The following BCKDHA variants were observed in gnomAD, a reference collection of about 807,000 sequenced individuals.
The protein encoded by BCKDHA is branched chain keto acid dehydrogenase E1 subunit alpha.
In BCKDHA, 43 loss-of-function variants were observed where a neutral mutation model predicts 52.2. That is an observed-to-expected ratio of 0.82 (90% CI 0.64 to 1.06). The LOEUF is 1.06. BCKDHA is among the 50% of genes least tolerant of loss of function. The pLI, the probability that BCKDHA is intolerant of heterozygous loss-of-function variation, is 0.00. For synonymous variants in BCKDHA, 234 were observed against 247.9 expected (o/e 0.94, Z 0.53); for missense variants, 527 against 621.3 (o/e 0.85, Z 1.61).
intron 3 of BCKDHA, among the ~76,000 whole-genome samples, chr19:41,412,864 C>A (rs1162219677): frequency 2.0e-5 from 3 of 151,996 alleles, no homozygotes; most frequent in African/African-American, 7.3e-5. Flanking sequence ...CCACCACACT[C>A]GGCTAATTTT....
At chr19:41,408,162 G>A (rs1415131193) in intron 1 of BCKDHA, among the ~76,000 whole-genome samples, 8 of 151,836 alleles carry the variant, frequency 5.3e-5, no homozygotes, top group South Asian at 4.2e-4. Context: ...TCTCACTGTT[G>A]CCCAGGCTGG....
chr19:41,411,556 G>A (rs1335879792), intron 3 of BCKDHA, among the ~76,000 whole-genome samples: 1 of 152,152 alleles, frequency 6.6e-6, no homozygotes, highest in Non-Finnish European at 1.5e-5. Context: ...GGCCAGACAT[G>A]GCACATCCCA....
rs779043936 is a variant in BCKDHA, at chr19:41,422,642, C to T, written c.867C>T (p.Pro289=). The change falls in exon 7 of 9, where the codon CCC becomes CCT. Residue 289 remains proline (P), a synonymous_variant. Coordinates refer to ENST00000269980, the MANE Select transcript of BCKDHA (RefSeq NM_000709.4). ...YRGDGIAARG[P]GYGIMSIRVD... The stretch of plus-strand genomic sequence containing the variant: ...GTGTCCCCACAGCAGCACGAGGCCC[C>T]GGGTATGGCATCATGTCAATCCGCG... The T allele has an allele frequency of 1.9e-5, 30 of 1,614,058 alleles. No homozygotes were observed. The highest frequency in any genetic ancestry group is 5.0e-5 in the Admixed American group (3 of 60,024).
intron 4 of BCKDHA, chr19:41,415,338 C>G (rs914823492): frequency 6.6e-6 from 1 of 152,326 alleles, no homozygotes; most frequent in Non-Finnish European, 1.5e-5. Flanking sequence ...GGGCACCAGG[C>G]AGGACCGAGC....
rs756390993 is a variant in BCKDHA, at chr19:41,424,688, A to G, written c.*80A>G. The G allele has an allele frequency of 6.9e-7, 1 of 1,455,720 alleles. No individual in the cohort carries two copies. Among genetic ancestry groups the G allele is most frequent in the South Asian group, 1.3e-5 (1 of 76,380 alleles). The allele number at this position is 1,455,720 out of a possible 1,614,324, so 90.2% of individuals were successfully genotyped here. A position where few individuals can be genotyped will look rare whatever the true frequency, so the allele number is the denominator to read the frequency against. ...TCTAAGGGGAGCAGGGGGACCTGACAGCACACCACTGTCTTCCCCAGTCAG... is the reference window on the plus strand; with the variant it reads ...TCTAAGGGGAGCAGGGGGACCTGACGGCACACCACTGTCTTCCCCAGTCAG... On this transcript the variant is annotated 3_prime_UTR_variant, in exon 9 of 9. Coordinates refer to ENST00000269980, the MANE Select transcript of BCKDHA (RefSeq NM_000709.4).
chr19:41,413,158 C>T (rs1419562487), intron 3 of BCKDHA, among the ~76,000 whole-genome samples: 1 of 152,180 alleles, frequency 6.6e-6, no homozygotes, highest in Non-Finnish European at 1.5e-5. Context: ...CATGTCCAAG[C>T]TTCATGGCTG....
rs1475056837 is a variant in BCKDHA, at chr19:41,422,383, C to T, written c.853+13C>T. 4 of 1,613,868 alleles carry T rather than the reference C, an allele frequency of 2.5e-6. No individual in the cohort carries two copies. The highest frequency in any genetic ancestry group is 2.5e-6 in the Non-Finnish European group (3 of 1,179,958). On this transcript the variant is annotated intron_variant, in intron 6 of 8. Transcript: ENST00000269980. ...GGCGATGGCATTGGTATGGGCTCTG[C>T]TGGCTGCTCCCCACCCCGCTGGGAT...
At position 41,406,948 on chromosome 19, in the gene BCKDHA, G is replaced by A. The variant is rs114481527; in HGVS notation, c.109-3689G>A. ...TCACTATGTTGCCTAGGCTGATCTC[G>A]AACCACTGGCCTTAAGTGATCCTCC... On this transcript the variant is annotated intron_variant, in intron 1 of 8. Transcript: ENST00000269980. Among the ~76,000 whole-genome samples the A allele has an allele frequency of 5.8e-3, 877 of 152,078 alleles. 6 individuals carry two copies. Among genetic ancestry groups the A allele is most frequent in the African/African-American group, 0.02 (827 of 41,476 alleles).
intron 1 of BCKDHA, among the ~76,000 whole-genome samples, chr19:41,402,490 G>C (rs1756188381): frequency 6.6e-6 from 1 of 152,090 alleles, no homozygotes; most frequent in Non-Finnish European, 1.5e-5. Flanking sequence ...ATTACAGATG[G>C]AGAGACTGAG....
chr19:41,417,582 T>C (rs1206866444), intron 4 of BCKDHA, among the ~76,000 whole-genome samples: 2 of 152,186 alleles, frequency 1.3e-5, no homozygotes, highest in Non-Finnish European at 2.9e-5. Context: ...AAACCTGTAT[T>C]AAAGTTGGAT....
chr19:41,423,302 C>T, intron 8 of BCKDHA, 133 bp downstream of exon 8: 1 of 1,403,824 alleles, frequency 7.1e-7, no homozygotes, highest in Non-Finnish European at 9.6e-7. Context: ...CCTGTGGAGC[C>T]AGGCTGCTGG....
At chr19:41,416,179 A>G (rs1200904341) in intron 4 of BCKDHA, among the ~76,000 whole-genome samples, 3 of 151,840 alleles carry the variant, frequency 2.0e-5, no homozygotes, top group Non-Finnish European at 4.4e-5. Context: ...CCTGACCTCA[A>G]GTGATTCGTT....
intron 3 of BCKDHA, among the ~76,000 whole-genome samples, chr19:41,411,578 C>T (rs956853846): frequency 6.6e-6 from 1 of 152,178 alleles, no homozygotes; most frequent in Non-Finnish European, 1.5e-5. Flanking sequence ...CTATCCCACA[C>T]CCCCACCTTT....
intron 8 of BCKDHA, among the ~76,000 whole-genome samples, chr19:41,423,832 C>A (rs1365323256): frequency 2.7e-5 from 4 of 147,090 alleles, no homozygotes; most frequent in African/African-American, 2.5e-5. Flanking sequence ...GACTCCATCT[C>A]AAAAAAAAAA....
chr19:41,402,255 G>C (rs909564467), intron 1 of BCKDHA, among the ~76,000 whole-genome samples: 7 of 152,172 alleles, frequency 4.6e-5, no homozygotes, highest in African/African-American at 1.7e-4. Context: ...GATGAGATTT[G>C]AGTGGGGACA....
At position 41,424,727 on chromosome 19, in the gene BCKDHA, A is replaced by C. The variant is rs769629158; in HGVS notation, c.*119A>C. 2 of 1,184,888 alleles carry C rather than the reference A, an allele frequency of 1.7e-6. No individual in the cohort carries two copies. The highest frequency in any genetic ancestry group is 1.6e-5 in the African/African-American group (1 of 64,102). The allele number at this position is 1,184,888 out of a possible 1,614,324, so 73.4% of individuals were successfully genotyped here. A position where few individuals can be genotyped will look rare whatever the true frequency, so the allele number is the denominator to read the frequency against. On this transcript the variant is annotated 3_prime_UTR_variant, in exon 9 of 9. Transcript: ENST00000269980. ...TTCCCCAGTCAGCTCCCTCTAAAATACTCAGCGGCCAGGGCGGCTGCCACT... is the reference window on the plus strand; with the variant it reads ...TTCCCCAGTCAGCTCCCTCTAAAATCCTCAGCGGCCAGGGCGGCTGCCACT...
intron 4 of BCKDHA, among the ~76,000 whole-genome samples, chr19:41,414,882 T>A (rs756604297): frequency 5.9e-5 from 9 of 152,204 alleles, no homozygotes; most frequent in Non-Finnish European, 1.2e-4. Flanking sequence ...TTGTCTTAGA[T>A]GCTTGGGGCA....
chr19:41,401,789 G>C (rs1285464054), intron 1 of BCKDHA, among the ~76,000 whole-genome samples: 1 of 152,178 alleles, frequency 6.6e-6, no homozygotes, highest in Non-Finnish European at 1.5e-5. Flanking sequence ...TGGAAGTCAG[G>C]AAGCCCCTGG....
intron 1 of BCKDHA, 72 bp downstream of exon 1, chr19:41,398,007 G>A (rs1159319397): frequency 2.4e-5 from 31 of 1,304,132 alleles, no homozygotes; most frequent in Non-Finnish European, 3.3e-5. Flanking sequence ...AGAGTGTGGG[G>A]TCCCTGAAGG....
Sources: allele counts gnomAD v4.1 joint callset (sites outside exome capture counted in the v4.1 genomes callset), GRCh38; gene constraint gnomAD v4.1.1; transcripts MANE v1.5; gene names NCBI Gene and HGNC (gene_info 2026-07-23, HGNC 2026-07-21).